NKAIN2: variants seen among roughly 807,000 people sequenced by gnomAD.
NKAIN2 encodes the protein sodium/potassium transporting ATPase interacting 2.
A neutral mutation model predicts 32.6 loss-of-function variants in NKAIN2; 14 were observed. The ratio of observed to expected loss-of-function variants is 0.43; its 90% CI spans 0.28 to 0.67. The LOEUF (loss-of-function observed/expected upper bound fraction) is 0.67. Ranked by LOEUF, NKAIN2 falls within the 30% of genes least tolerant of loss-of-function variation. The pLI, the probability that NKAIN2 is intolerant of heterozygous loss-of-function variation, is 0.17. For synonymous variants in NKAIN2, 80 were observed against 87.2 expected (o/e 0.92, Z 0.46); for missense variants, 198 against 258.3 (o/e 0.77, Z 1.60).
At chr6:124,765,711 G>T (rs1778483302) in intron 4 of NKAIN2, among the ~76,000 whole-genome samples, 1 of 152,184 alleles carries the variant, frequency 6.6e-6, no homozygotes. Context: ...CTCTGCAGAA[G>T]TTCCTTCTAT....
intron 1 of NKAIN2, among the ~76,000 whole-genome samples, chr6:123,987,990 T>G (rs1779220971): frequency 6.6e-6 from 1 of 152,110 alleles, no homozygotes; most frequent in Non-Finnish European, 1.5e-5. Flanking sequence ...ATGAGACAGG[T>G]GAATGGACTA....
At chr6:124,312,173 GA>G (rs990809914) in intron 2 of NKAIN2, among the ~76,000 whole-genome samples, 9 of 152,058 alleles carry the variant, frequency 5.9e-5, no homozygotes, top group African/African-American at 2.2e-4. Context: ...CAGTGTGAGT[GA>G]AAAAAACACA....
chr6:123,859,044 A>G (rs1338389162), intron 1 of NKAIN2, among the ~76,000 whole-genome samples: 2 of 152,200 alleles, frequency 1.3e-5, no homozygotes, highest in Non-Finnish European at 2.9e-5. Context: ...ATAAATTACT[A>G]GAATTTATAT....
At chr6:123,873,723 C>G (rs1773022619) in intron 1 of NKAIN2, among the ~76,000 whole-genome samples, 1 of 152,058 alleles carries the variant, frequency 6.6e-6, no homozygotes. Flanking sequence ...AGTGAACTCA[C>G]AGATTCCTAG....
intron 4 of NKAIN2, among the ~76,000 whole-genome samples, chr6:124,765,928 C>A (rs1345451073): frequency 6.6e-6 from 1 of 152,160 alleles, no homozygotes; most frequent in African/African-American, 2.4e-5. Context: ...ACTTGACTCT[C>A]TTCTGTATTT....
intron 3 of NKAIN2, among the ~76,000 whole-genome samples, chr6:124,433,419 A>G (rs1225942615): frequency 6.6e-6 from 1 of 152,182 alleles, no homozygotes; most frequent in East Asian, 1.9e-4. Context: ...ACAGGATAGA[A>G]CTTGTCTCAT....
At chr6:124,308,500 G>A (rs1158314726) in intron 2 of NKAIN2, among the ~76,000 whole-genome samples, 3 of 152,056 alleles carry the variant, frequency 2.0e-5, no homozygotes, top group Non-Finnish European at 2.9e-5. Flanking sequence ...AACATTTAAA[G>A]CTGAAATATT....
intron 1 of NKAIN2, among the ~76,000 whole-genome samples, chr6:124,069,414 C>T (rs1454711910): frequency 6.6e-6 from 1 of 152,038 alleles, no homozygotes. Context: ...TTGGGGCAGC[C>T]GGCCAGTGAG....
intron 1 of NKAIN2, among the ~76,000 whole-genome samples, chr6:123,959,115 T>C (rs962915372): frequency 6.6e-6 from 1 of 152,092 alleles, no homozygotes; most frequent in Non-Finnish European, 1.5e-5. Flanking sequence ...ATATATGTGG[T>C]AGGTCTGTGG....
At chr6:124,452,380 G>A (rs898798578) in intron 3 of NKAIN2, among the ~76,000 whole-genome samples, 2 of 151,918 alleles carry the variant, frequency 1.3e-5, no homozygotes, top group African/African-American at 2.4e-5. Flanking sequence ...CCATTGGGAC[G>A]GGGCAAGAAC....
At chr6:124,675,316 A>T (rs1773300030) in intron 4 of NKAIN2, among the ~76,000 whole-genome samples, 2 of 152,012 alleles carry the variant, frequency 1.3e-5, no homozygotes, top group African/African-American at 4.8e-5. Context: ...GAAGATGTAA[A>T]CATCGATGTT....
At chr6:124,528,135 G>T (rs1779388629) in intron 3 of NKAIN2, among the ~76,000 whole-genome samples, 1 of 152,160 alleles carries the variant, frequency 6.6e-6, no homozygotes, top group South Asian at 2.1e-4. Context: ...GGAGTAGTGG[G>T]ATCCATTTAA....
At chr6:124,814,570 G>C (rs1781060406) in intron 5 of NKAIN2, among the ~76,000 whole-genome samples, 1 of 151,994 alleles carries the variant, frequency 6.6e-6, no homozygotes, top group Non-Finnish European at 1.5e-5. Flanking sequence ...CTAATCTGAG[G>C]GTTGTAAGCC....
intron 3 of NKAIN2, among the ~76,000 whole-genome samples, chr6:124,450,738 C>G (rs115856475): frequency 6.6e-6 from 1 of 151,954 alleles, no homozygotes; most frequent in African/African-American, 2.4e-5. Flanking sequence ...CATATTTGAA[C>G]CTGAGATTGT....
intron 3 of NKAIN2, among the ~76,000 whole-genome samples, chr6:124,573,141 A>C (rs1007833804): frequency 7.2e-5 from 11 of 152,110 alleles, no homozygotes; most frequent in African/African-American, 2.7e-4. Context: ...CGCCCGGCCA[A>C]AAAGTTATTT....
chr6:123,912,858 A>G (rs1775290307), intron 1 of NKAIN2, among the ~76,000 whole-genome samples: 2 of 150,584 alleles, frequency 1.3e-5, no homozygotes, highest in Non-Finnish European at 1.5e-5. Context: ...AATCATTGCA[A>G]TATCATTTGC....
At chr6:123,998,741 C>CTGTGTGTG (rs530702348) in intron 1 of NKAIN2, among the ~76,000 whole-genome samples, 106 of 132,668 alleles carry the variant, frequency 8.0e-4, no homozygotes, top group Admixed American at 1.3e-3. Flanking sequence ...CTCTCTCTCT[C>CTGTGTGTG]TCTGTGTGTG....
rs1253996219 is a variant in NKAIN2, at chr6:124,708,853, T to C, written c.474+50467T>C. 3.5e-5 allele frequency among the ~76,000 whole-genome samples: 5 copies of C among 144,322 alleles called. No individual in the cohort carries two copies. The South Asian group carries it at 1.1e-3, about 32-fold the overall frequency. The allele number at this position is 144,322 out of a possible 152,430, so 94.7% of individuals were successfully genotyped here. A position where few individuals can be genotyped will look rare whatever the true frequency, so the allele number is the denominator to read the frequency against. On this transcript the variant is annotated intron_variant, in intron 4 of 6. Coordinates refer to ENST00000368417, the MANE Select transcript of NKAIN2 (RefSeq NM_001040214.3). Reference sequence around the variant, plus strand: ...ATTTCCTTCTCCTGCCTAATTGCCCTGGCCAGAACTTCCAACACTATGTTG... The same window carrying C: ...ATTTCCTTCTCCTGCCTAATTGCCCCGGCCAGAACTTCCAACACTATGTTG...
At chr6:124,249,090 G>A (rs1793562653) in intron 1 of NKAIN2, among the ~76,000 whole-genome samples, 1 of 152,072 alleles carries the variant, frequency 6.6e-6, no homozygotes, top group Non-Finnish European at 1.5e-5. Context: ...CTTTAAAAAG[G>A]ATATATTTAA....
Sources: allele counts gnomAD v4.1 joint callset (sites outside exome capture counted in the v4.1 genomes callset), GRCh38; gene constraint gnomAD v4.1.1; transcripts MANE v1.5; gene names NCBI Gene and HGNC (gene_info 2026-07-23, HGNC 2026-07-21).